PLXND1: variants seen among roughly 807,000 people sequenced by gnomAD.
PLXND1 encodes the protein plexin-D1.
PLXND1 carries 54 observed loss-of-function variants against 197.7 expected under a neutral mutation model. The ratio of observed to expected loss-of-function variants is 0.27; its 90% CI spans 0.22 to 0.34. PLXND1 has a LOEUF of 0.34. PLXND1 is among the 10% of genes least tolerant of loss of function. The pLI is 1.00. For missense variants in PLXND1, 2,127 were observed against 2,699.2 expected, an observed-to-expected ratio of 0.79 and a Z score of 4.70; for synonymous variants, 1,180 against 1,161.2, an observed-to-expected ratio of 1.02 and a Z score of -0.33.
intron 1 of PLXND1, among the ~76,000 whole-genome samples, chr3:129,597,538 A>C (rs1424034007): frequency 6.6e-6 from 1 of 151,764 alleles, no homozygotes; most frequent in Non-Finnish European, 1.5e-5. Context: ...TTAACGCCCC[A>C]CTGGGGCCTT....
chr3:129,589,405 G>T lies in PLXND1; in HGVS notation c.1434C>A (p.Ser478Arg). 1.9e-6 allele frequency: 3 copies of T among 1,610,062 alleles called. No individual in the cohort carries two copies. The highest frequency in any genetic ancestry group is 2.5e-6 in the Non-Finnish European group (3 of 1,178,962). ...APGLTSVAVA[S>R]VNNYTAVFLG... is the part of the protein sequence containing the mutation. ...GGAAGACCGCTGTGTAGTTGTTGACGCTGGCCACGGCCACGGAGGTGAGGC... is the reference window on the plus strand; with the variant it reads ...GGAAGACCGCTGTGTAGTTGTTGACTCTGGCCACGGCCACGGAGGTGAGGC... The change falls in exon 2 of 36, where the codon AGC becomes AGA. Residue 478 changes from serine to arginine, a missense_variant. Ser to Arg is a moderately radical substitution (Grantham distance 110). Around this residue, in one of 6 missense-constraint regions of PLXND1, gnomAD observed 1,095 missense variants for 1,259.8 expected, o/e 0.87. Transcript: ENST00000324093.
At chr3:129,569,764 C>G in intron 20 of PLXND1, 79 bp downstream of exon 20, 1 of 798,178 alleles carries the variant, frequency 1.3e-6, no homozygotes, top group Non-Finnish European at 2.2e-6. Flanking sequence ...CTGCCTTCTC[C>G]CATCTGCCAA....
chr3:129,578,514 C>G, intron 8 of PLXND1, 81 bp from the exon 9 acceptor site: 1 of 822,000 alleles, frequency 1.2e-6, no homozygotes. Flanking sequence ...CCCAGCCTGC[C>G]TGGTTCAGTC....
At chr3:129,566,115 G>C in intron 23 of PLXND1, 98 bp from the exon 24 acceptor site, 2 of 1,297,616 alleles carry the variant, frequency 1.5e-6, no homozygotes, top group Non-Finnish European at 2.2e-6. Flanking sequence ...TGCCTCCTGG[G>C]ATGGGGAGCT....
At position 129,556,668 on chromosome 3, in the gene PLXND1, G is replaced by A. The variant is rs149227558; in HGVS notation, c.5610C>T (p.Thr1870=). ...ESRKYQNEFN[T]NVAMAEIYKY... Reference sequence around the variant, plus strand: ...TATAAATCTCTGCCATGGCCACATTGGTGTTGAACTCATTCTGGTATTTCT... The same window carrying A: ...TATAAATCTCTGCCATGGCCACATTAGTGTTGAACTCATTCTGGTATTTCT... Residue 1870 remains threonine, a synonymous_variant, in exon 35 of 36, where the codon ACC becomes ACT. Coordinates refer to ENST00000324093, the MANE Select transcript of PLXND1 (RefSeq NM_015103.3). The A allele has an allele frequency of 6.2e-6, 10 of 1,612,956 alleles. No individual in the cohort carries two copies. Among genetic ancestry groups the A allele is most frequent in the African/African-American group, 2.7e-5 (2 of 74,890 alleles).
At chr3:129,592,695 G>A (rs1194976581) in intron 1 of PLXND1, among the ~76,000 whole-genome samples, 2 of 152,012 alleles carry the variant, frequency 1.3e-5, no homozygotes, top group African/African-American at 2.4e-5. Context: ...TTCCCCCAGC[G>A]TTTTTTCCCC....
At chr3:129,570,576 G>A in intron 19 of PLXND1, 1 of 598,134 alleles carries the variant, frequency 1.7e-6, no homozygotes, top group East Asian at 2.8e-5. Context: ...GTCCAGATGG[G>A]GCCCATCACT....
Position 129,558,244 on chromosome 3 carries a change from G to A in PLXND1, c.5445+184C>T, listed in dbSNP as rs2085002971. Among the ~76,000 whole-genome samples, 1 of 152,218 alleles carries A rather than the reference G, an allele frequency of 6.6e-6. No individual in the cohort carries two copies. Among genetic ancestry groups the A allele is most frequent in the Non-Finnish European group, 1.5e-5 (1 of 68,046 alleles). ...TACAGAGTTTCTGATGGAAGGTACT[G>A]GCTTCTAGGTGTCTCCCTGTCTGAA... On this transcript the variant is annotated intron_variant, in intron 33 of 35. Coordinates refer to ENST00000324093, the MANE Select transcript of PLXND1 (RefSeq NM_015103.3). This position sits in a 1 kb window ranked among gnomAD's most constrained non-coding sequence, Gnocchi z 4.1.
Position 129,557,443 on chromosome 3 carries a change from C to CTGTT in PLXND1, c.5446-224_5446-221dup, listed in dbSNP as rs2084991014. ...TCTGCCCCGCCTACTTTCCCCAGGA[C>CTGTT]TGTTAGGACAATGATGTGGGTGGGG... On this transcript the variant is annotated intron_variant, in intron 33 of 35. Coordinates refer to ENST00000324093, the MANE Select transcript of PLXND1 (RefSeq NM_015103.3). The surrounding 1 kb of genome is among the most constrained non-coding windows in gnomAD (Gnocchi z 4.8). Among the ~76,000 whole-genome samples, 1 of 151,674 alleles carries CTGTT rather than the reference C, an allele frequency of 6.6e-6. No homozygotes were observed. The highest frequency in any genetic ancestry group is 1.5e-5 in the Non-Finnish European group (1 of 68,034).
chr3:129,565,939 T>G lies in PLXND1; in HGVS notation c.4270A>C (p.Ile1424Leu). 3 of 1,614,166 alleles carry G rather than the reference T, an allele frequency of 1.9e-6. No homozygotes were observed. Among genetic ancestry groups the G allele is most frequent in the Non-Finnish European group, 2.5e-6 (3 of 1,179,986 alleles). The part of the protein sequence containing the change: ...SSLLNNKHFL[I>L]VFVHALEQQK... ...TGCTCCAGCGCGTGGACAAAGACGA[T>G]GAGGAAGTGCTTGTTGTTGAGTAGT... Residue 1424 changes from isoleucine (I) to leucine (L), a missense_variant, in exon 24 of 36, where the codon ATC becomes CTC. Physicochemically the swap from Ile to Leu is conservative, Grantham distance 5. Transcript: ENST00000324093.
chr3:129,585,974 A>G lies in PLXND1; in HGVS notation c.1829T>C (p.Ile610Thr), dbSNP rs1215126955. ...CPAMTVLPSEIDVRQEYPGMI... is the reference protein window; with the variant it reads ...CPAMTVLPSETDVRQEYPGMI... ...CACTGGGTACTCCTGGCGCACATCG[A>G]TCTCGGAAGGCAGGACGGTCATGGC... Residue 610 changes from isoleucine (I) to threonine (T), a missense_variant, in exon 5 of 36, where the codon ATC (isoleucine) becomes ACC (threonine). Transcript: ENST00000324093. The G allele has an allele frequency of 1.4e-5, 23 of 1,613,932 alleles. No individual in the cohort carries two copies. The highest frequency in any genetic ancestry group is 1.9e-5 in the Non-Finnish European group (23 of 1,179,990).
At position 129,583,585 on chromosome 3, in the gene PLXND1, C is replaced by T; in HGVS notation, c.2223G>A (p.Glu741=). The change falls in exon 8 of 36, where the codon GAG becomes GAA. Residue 741 remains glutamate, a synonymous_variant. Coordinates refer to ENST00000324093, the MANE Select transcript of PLXND1 (RefSeq NM_015103.3). ...GGCTTACCGTGGGGTTTGGTGAGGC[C>T]TCGCACCGAGACTGGTTGGAAACAC... The part of the protein sequence containing the change: ...HSCVSNQSRC[E]ASPNPTSPQD... The T allele has an allele frequency of 6.2e-7, 1 of 1,613,684 alleles. No individual in the cohort carries two copies. Among genetic ancestry groups the T allele is most frequent in the South Asian group, 1.1e-5 (1 of 91,046 alleles).
At chr3:129,576,489 G>C (rs933906773) in intron 9 of PLXND1, among the ~76,000 whole-genome samples, 1 of 152,174 alleles carries the variant, frequency 6.6e-6, no homozygotes, top group Non-Finnish European at 1.5e-5. Flanking sequence ...GAAGCTCCTA[G>C]AGCTGCCCCC....
rs935118734 is a variant in PLXND1 at position 129,564,973 on chromosome 3, G to A, written c.4521+367C>T. 3.3e-5 allele frequency among the ~76,000 whole-genome samples: 5 copies of A among 152,360 alleles called. No homozygotes were observed. The South Asian group carries it at 6.2e-4, about 19-fold the overall frequency. On this transcript the variant is annotated intron_variant, in intron 25 of 35. Coordinates refer to ENST00000324093, the MANE Select transcript of PLXND1 (RefSeq NM_015103.3). ...TGGCCACCCTGTATTTTGTTTCCAC[G>A]TCTCGCCTAGCCTAGGGCTGGGAGA...
intron 1 of PLXND1, among the ~76,000 whole-genome samples, chr3:129,603,799 G>T (rs1444709737): frequency 1.3e-5 from 2 of 152,190 alleles, no homozygotes; most frequent in East Asian, 3.9e-4. Context: ...ATGGAGAAGG[G>T]ACAGGGTGGG....
Position 129,572,878 on chromosome 3 carries a change from A to C in PLXND1, c.2901T>G (p.Ser967=), listed in dbSNP as rs1231134824. 4 of 1,613,726 alleles carry C rather than the reference A, an allele frequency of 2.5e-6. No homozygotes were observed. Among genetic ancestry groups the C allele is most frequent in the Admixed American group, 1.7e-5 (1 of 60,000 alleles). Residue 967 remains serine (S), a synonymous_variant, in exon 14 of 36, where the codon TCT becomes TCG. Transcript: ENST00000324093. ...AGCGGTCCCGGGACTTGCCCTCCTT[A>C]GAGGCGTTCACGGTCACCACACCTG... ...PLSGVVTVNA[S]KEGKSRDRFS...
At chr3:129,584,684 G>C in intron 5 of PLXND1, 122 bp from the exon 6 acceptor site, 1 of 924,932 alleles carries the variant, frequency 1.1e-6, no homozygotes, top group Non-Finnish European at 1.6e-6. Context: ...AGGGGTAGTG[G>C]TGGCCAGGAC....
chr3:129,600,173 A>T (rs1292057599), intron 1 of PLXND1, among the ~76,000 whole-genome samples: 1 of 152,084 alleles, frequency 6.6e-6, no homozygotes, highest in Non-Finnish European at 1.5e-5. Flanking sequence ...TGGGGCTGGG[A>T]CAGCACCCAA....
Position 129,561,906 on chromosome 3 carries a change from G to T in PLXND1, c.4826-3C>A. On this transcript the variant is annotated splice_polypyrimidine_tract_variant and splice_region_variant and intron_variant, in intron 27 of 35. Transcript: ENST00000324093. Reference sequence around the variant, plus strand: ...CTGTGTGCTGGAGGCGAACCACTCTGGGGGACAAGGGACAGGCCATCAGGG... The same window carrying T: ...CTGTGTGCTGGAGGCGAACCACTCTTGGGGACAAGGGACAGGCCATCAGGG... The T allele has an allele frequency of 1.2e-6, 2 of 1,607,626 alleles. No individual in the cohort carries two copies. The highest frequency in any genetic ancestry group is 1.7e-6 in the Non-Finnish European group (2 of 1,174,232).
Sources: allele counts gnomAD v4.1 joint callset (sites outside exome capture counted in the v4.1 genomes callset), GRCh38; gene constraint gnomAD v4.1.1; regional missense constraint gnomAD v4.1.1; non-coding constraint Gnocchi (gnomAD v3.1); transcripts MANE v1.5; gene names NCBI Gene and HGNC (gene_info 2026-07-23, HGNC 2026-07-21).